The following TANC2 variants were observed in gnomAD, a reference collection of about 807,000 sequenced individuals.
The protein encoded by TANC2 is protein TANC2.
Under a neutral mutation model 210.5 loss-of-function variants are expected in TANC2, and 26 were observed. That is an observed-to-expected ratio of 0.12 (90% CI 0.09 to 0.17). The LOEUF (loss-of-function observed/expected upper bound fraction) is 0.17, where lower values mean the gene tolerates loss of function less well. TANC2 is among the 10% of genes least tolerant of loss of function. The pLI is 1.00. For missense variants in TANC2, 2,129 were observed against 2,608.9 expected, an observed-to-expected ratio of 0.82 and a Z score of 4.01; for synonymous variants, 931 against 967.1, an observed-to-expected ratio of 0.96 and a Z score of 0.69.
At chr17:63,275,176 C>G (rs2043834136) in intron 9 of TANC2, among the ~76,000 whole-genome samples, 1 of 152,088 alleles carries the variant, frequency 6.6e-6, no homozygotes, top group African/African-American at 2.4e-5. Flanking sequence ...AAGTTACAAC[C>G]ACACTCTTCT....
At chr17:63,049,146 A>G (rs1169358193) in intron 2 of TANC2, among the ~76,000 whole-genome samples, 2 of 152,188 alleles carry the variant, frequency 1.3e-5, no homozygotes, top group Non-Finnish European at 2.9e-5. Context: ...AAATTAATTA[A>G]TTCAACAGCT....
chr17:62,980,297 A>C (rs1196670317), intron 1 of TANC2, among the ~76,000 whole-genome samples: 1 of 152,134 alleles, frequency 6.6e-6, no homozygotes, highest in African/African-American at 2.4e-5. Flanking sequence ...CCACTACTCC[A>C]GTCATGTAGT....
intron 2 of TANC2, among the ~76,000 whole-genome samples, chr17:63,061,989 C>T (rs2036014171): frequency 6.6e-6 from 1 of 151,998 alleles, no homozygotes; most frequent in Non-Finnish European, 1.5e-5. Context: ...ATTTGTATTG[C>T]TCTTTGATGT....
exon 14 of TANC2, chr17:63,354,845 C>T (rs777362372): frequency 6.2e-7 from 1 of 1,612,190 alleles, no homozygotes; most frequent in South Asian, 1.1e-5. Context: ...AGAATGAAGC[C>T]ATAGACCAGG....
intron 4 of TANC2, among the ~76,000 whole-genome samples, chr17:63,143,803 A>G (rs2039372430): frequency 6.6e-6 from 1 of 151,978 alleles, no homozygotes. Context: ...TATTTTCATT[A>G]TTAGGAGTTA....
intron 1 of TANC2, among the ~76,000 whole-genome samples, chr17:62,969,642 G>T (rs1436773668): frequency 6.6e-6 from 1 of 152,052 alleles, no homozygotes; most frequent in Non-Finnish European, 1.5e-5. Flanking sequence ...ATGGTGGTTG[G>T]TTTGAAGGGA....
At chr17:63,237,420 T>G (rs1048577040) in intron 7 of TANC2, among the ~76,000 whole-genome samples, 2 of 152,196 alleles carry the variant, frequency 1.3e-5, no homozygotes, top group Non-Finnish European at 2.9e-5. Context: ...CTGCAGGTTC[T>G]TTTCACTCTG....
intron 4 of TANC2, among the ~76,000 whole-genome samples, chr17:63,119,240 A>C (rs887712062): frequency 6.6e-6 from 1 of 152,188 alleles, no homozygotes; most frequent in Non-Finnish European, 1.5e-5. Flanking sequence ...GCTCTTCTGA[A>C]ATGCACTTTA....
At chr17:63,141,553 G>A (rs2039294264) in intron 4 of TANC2, among the ~76,000 whole-genome samples, 1 of 151,282 alleles carries the variant, frequency 6.6e-6, no homozygotes, top group African/African-American at 2.4e-5. Context: ...GTGACAGAGC[G>A]AGACTCTGTC....
chr17:63,003,779 G>A (rs938155070), intron 1 of TANC2, among the ~76,000 whole-genome samples: 1 of 152,106 alleles, frequency 6.6e-6, no homozygotes, highest in Non-Finnish European at 1.5e-5. Context: ...CTTAGCAGAT[G>A]TTTTTAAATT....
intron 2 of TANC2, among the ~76,000 whole-genome samples, chr17:63,065,400 G>T (rs2036159859): frequency 6.6e-6 from 1 of 152,146 alleles, no homozygotes; most frequent in African/African-American, 2.4e-5. Flanking sequence ...TTGACATACT[G>T]ATTTAATTTC....
At chr17:63,415,098 G>A (rs1390165720) in intron 25 of TANC2, among the ~76,000 whole-genome samples, 2 of 152,234 alleles carry the variant, frequency 1.3e-5, no homozygotes, top group African/African-American at 2.4e-5. Context: ...GCCAGGTGGA[G>A]CGTCAGACCA....
At chr17:63,366,341 G>A (rs989044969) in intron 14 of TANC2, among the ~76,000 whole-genome samples, 1 of 152,208 alleles carries the variant, frequency 6.6e-6, no homozygotes, top group Non-Finnish European at 1.5e-5. Flanking sequence ...ACAGGTTAGT[G>A]TTTTTAACAG....
At chr17:63,086,810 A>G (rs1193586281) in intron 3 of TANC2, among the ~76,000 whole-genome samples, 3 of 143,896 alleles carry the variant, frequency 2.1e-5, no homozygotes, top group Admixed American at 2.0e-4. Flanking sequence ...AAAATGCACC[A>G]ATCAGTGCTC....
chr17:63,143,824 C>G (rs1248568727), intron 4 of TANC2, among the ~76,000 whole-genome samples: 1 of 151,886 alleles, frequency 6.6e-6, no homozygotes, highest in African/African-American at 2.4e-5. Context: ...GTATAAAAGT[C>G]TTTAGGTGAT....
intron 1 of TANC2, chr17:63,004,706 A>G: frequency 3.1e-6 from 1 of 320,594 alleles, no homozygotes; most frequent in Non-Finnish European, 6.1e-6. Flanking sequence ...AAATGCACAC[A>G]CTTCACTTGG....
chr17:62,988,987 T>C (rs2032717019), intron 1 of TANC2, among the ~76,000 whole-genome samples: 1 of 152,262 alleles, frequency 6.6e-6, no homozygotes, highest in Non-Finnish European at 1.5e-5. Flanking sequence ...ATTTTACTTA[T>C]GCAAAAGCAT....
chr17:63,149,787 G>A (rs1258455642), intron 4 of TANC2: 1 of 151,938 alleles, frequency 6.6e-6, no homozygotes, highest in Non-Finnish European at 1.5e-5. Context: ...TTAAAAACAG[G>A]CTCAAGTCTC....
At chr17:63,314,071 C>T (rs1359416673) in intron 9 of TANC2, among the ~76,000 whole-genome samples, 1 of 152,110 alleles carries the variant, frequency 6.6e-6, no homozygotes, top group East Asian at 1.9e-4. Context: ...GGCTTGCATC[C>T]GTAGTGATTG....
Sources: gnomAD v4.1 joint callset for allele counts (sites outside exome capture counted in the v4.1 genomes callset) on GRCh38, gnomAD v4.1.1 for gene constraint, MANE v1.5 for transcripts, NCBI Gene and HGNC (gene_info 2026-07-23, HGNC 2026-07-21) for gene names.